CBFB: variants seen among roughly 807,000 people sequenced by gnomAD.
The protein encoded by CBFB is core-binding factor subunit beta.
A neutral mutation model predicts 30.4 loss-of-function variants in CBFB; 9 were observed. The observed-to-expected ratio is 0.30, with a 90% CI of 0.18 to 0.52. The LOEUF (loss-of-function observed/expected upper bound fraction) is 0.52, where lower values mean the gene tolerates loss of function less well. CBFB is among the 20% of genes least tolerant of loss of function. CBFB has a pLI of 0.97. For missense variants in CBFB, 170 were observed against 244.0 expected, an observed-to-expected ratio of 0.70 and a Z score of 2.02; for synonymous variants, 94 against 84.0, an observed-to-expected ratio of 1.12 and a Z score of -0.65.
chr16:67,082,404 G>T, intron 5 of CBFB, 96 bp downstream of exon 5: 1 of 1,409,672 alleles, frequency 7.1e-7, no homozygotes, highest in Non-Finnish European at 9.5e-7. Flanking sequence ...CTTTTTAATA[G>T]TTTAATTTTG....
intron 5 of CBFB, among the ~76,000 whole-genome samples, chr16:67,084,624 T>A (rs1387994475): frequency 2.6e-5 from 4 of 152,198 alleles, no homozygotes; most frequent in Non-Finnish European, 5.9e-5. Flanking sequence ...ATGGCTAAGA[T>A]GGTAAGTTTT....
chr16:67,029,591 C>T, intron 1 of CBFB, 106 bp downstream of exon 1: 3 of 1,335,820 alleles, frequency 2.2e-6, no homozygotes, highest in South Asian at 1.3e-5. Flanking sequence ...GTCGGTGCGC[C>T]CGCGGAGGGG....
intron 2 of CBFB, 121 bp from the exon 3 acceptor site, chr16:67,036,516 TAC>T: frequency 1.7e-6 from 1 of 601,426 alleles, no homozygotes; most frequent in African/African-American, 1.8e-5. Context: ...TGTTTTTTTT[TAC>T]TTTTAAGTAT....
intron 5 of CBFB, among the ~76,000 whole-genome samples, chr16:67,089,509 A>T (rs573895869): frequency 6.6e-6 from 1 of 152,356 alleles, no homozygotes; most frequent in African/African-American, 2.4e-5. Context: ...TGAAAACAGA[A>T]GATTCTAGAC....
At chr16:67,095,552 A>G (rs1043774027) in intron 5 of CBFB, among the ~76,000 whole-genome samples, 3 of 152,138 alleles carry the variant, frequency 2.0e-5, no homozygotes, top group African/African-American at 4.8e-5. Flanking sequence ...GTTATCTAAC[A>G]TAGGAAAACT....
At chr16:67,033,613 CTT>C (rs1186367448) in intron 2 of CBFB, among the ~76,000 whole-genome samples, 30 of 139,556 alleles carry the variant, frequency 2.1e-4, no homozygotes, top group African/African-American at 2.1e-4. Context: ...CTTATCAATT[CTT>C]TTTTTTTTTT....
At chr16:67,096,993 G>C (rs576492443) in intron 5 of CBFB, among the ~76,000 whole-genome samples, 1 of 152,022 alleles carries the variant, frequency 6.6e-6, no homozygotes, top group South Asian at 2.1e-4. Context: ...CAGCACTTTG[G>C]GAGGCCAAGA....
At chr16:67,060,712 C>T (rs143888308) in intron 3 of CBFB, among the ~76,000 whole-genome samples, 96 of 152,240 alleles carry the variant, frequency 6.3e-4, no homozygotes, top group African/African-American at 2.1e-3. Context: ...TGTGCCACCA[C>T]GCCCAGCTAA....
chr16:67,062,479 T>C (rs1033415805), intron 3 of CBFB, among the ~76,000 whole-genome samples: 1 of 150,114 alleles, frequency 6.7e-6, no homozygotes, highest in Non-Finnish European at 1.5e-5. Context: ...CAGGAAAATA[T>C]TTTTGACTAT....
intron 5 of CBFB, among the ~76,000 whole-genome samples, chr16:67,096,868 G>A (rs1319681349): frequency 6.6e-6 from 1 of 151,236 alleles, no homozygotes; most frequent in Non-Finnish European, 1.5e-5. Flanking sequence ...CAGCTACTCG[G>A]GAGGCGGAGC....
chr16:67,089,195 C>CAAATA (rs1233584023), intron 5 of CBFB, among the ~76,000 whole-genome samples: 1 of 152,014 alleles, frequency 6.6e-6, no homozygotes, highest in Non-Finnish European at 1.5e-5. Flanking sequence ...TAACCTTTAC[C>CAAATA]AAATACTCTT....
chr16:67,072,619 A>G lies in CBFB; in HGVS notation c.399+5821A>G, dbSNP rs983028404. Among the ~76,000 whole-genome samples the G allele has an allele frequency of 2.4e-4, 36 of 152,020 alleles. 1 individual carries two copies. Among genetic ancestry groups the G allele is most frequent in the Non-Finnish European group, 7.4e-5 (5 of 67,972 alleles). On this transcript the variant is annotated intron_variant, in intron 4 of 5. Coordinates refer to ENST00000412916, the MANE Select transcript of CBFB (RefSeq NM_022845.3). ...GTAGCTGGGGTTACAGGCATGTGCC[A>G]CCATGCCCGGCTAATTTTGTATTTT...
intron 3 of CBFB, among the ~76,000 whole-genome samples, chr16:67,046,883 G>T (rs772942141): frequency 8.5e-5 from 13 of 152,200 alleles, no homozygotes; most frequent in Non-Finnish European, 1.6e-4. Context: ...TAGTGATATG[G>T]TAGACTTTAA....
In CBFB at chr16:67,089,404, T is replaced by C. The variant is rs1391080540; in HGVS notation, c.495+7096T>C. 2.6e-5 allele frequency among the ~76,000 whole-genome samples: 4 copies of C among 152,200 alleles called. No homozygotes were observed. The East Asian group carries it at 5.8e-4, about 22-fold the overall frequency. On this transcript the variant is annotated intron_variant, in intron 5 of 5. Transcript: ENST00000412916. ...CCTGGGGGACAAAATAAGCAAATTA[T>C]TATTTTTCACTGTGTATCTTCTGTA...
Position 67,066,393 on chromosome 16 carries a change from C to CAAAAAAAAAAAAAAA in CBFB, c.283-286_283-272dup, listed in dbSNP as rs56360240. Among the ~76,000 whole-genome samples the CAAAAAAAAAAAAAAA allele has an allele frequency of 3.3e-4, 32 of 96,034 alleles. 2 individuals carry two copies. The highest frequency in any genetic ancestry group is 1.1e-3 in the South Asian group (3 of 2,708). The allele number at this position is 96,034 out of a possible 152,430, so 63.0% of individuals were successfully genotyped here. ...TGAAACCCCATCTCTACTAAAAATACAAAAAAAAAAAAAAAAATTAGCCAG... is the reference window on the plus strand; with the variant it reads ...TGAAACCCCATCTCTACTAAAAATACAAAAAAAAAAAAAAAAAAAAAAAAAAAAAAAATTAGCCAG... On this transcript the variant is annotated intron_variant, in intron 3 of 5. Coordinates refer to ENST00000412916, the MANE Select transcript of CBFB (RefSeq NM_022845.3).
At chr16:67,060,904 C>T (rs1303314621) in intron 3 of CBFB, among the ~76,000 whole-genome samples, 2 of 152,112 alleles carry the variant, frequency 1.3e-5, no homozygotes, top group African/African-American at 4.8e-5. Flanking sequence ...GCTTCATTCA[C>T]TTAGTATTAT....
chr16:67,042,515 C>T lies in CBFB; in HGVS notation c.282+5760C>T, dbSNP rs558445029. On this transcript the variant is annotated intron_variant, in intron 3 of 5. Transcript: ENST00000412916. ...AGTCAAGATATATTTCAGTCACCCCCCCAAAGGTTTCCTTGTGCCCCTTTG... is the reference window on the plus strand; with the variant it reads ...AGTCAAGATATATTTCAGTCACCCCTCCAAAGGTTTCCTTGTGCCCCTTTG... 2.6e-5 allele frequency among the ~76,000 whole-genome samples: 4 copies of T among 152,264 alleles called. No homozygotes were observed. In the South Asian group the frequency reaches 8.3e-4, roughly 32 times the overall value.
At chr16:67,093,882 CA>C (rs1241007678) in intron 5 of CBFB, among the ~76,000 whole-genome samples, 2 of 152,142 alleles carry the variant, frequency 1.3e-5, no homozygotes, top group Non-Finnish European at 2.9e-5. Context: ...GGAAATCCTT[CA>C]AAAACCTTCA....
intron 5 of CBFB, among the ~76,000 whole-genome samples, chr16:67,091,733 A>AT (rs1223424406): frequency 2.0e-5 from 3 of 151,778 alleles, no homozygotes; most frequent in Admixed American, 6.6e-5. Flanking sequence ...CCTTTTTAAA[A>AT]TTTTTTTTTA....
Sources: allele counts gnomAD v4.1 joint callset (sites outside exome capture counted in the v4.1 genomes callset), GRCh38; gene constraint gnomAD v4.1.1; transcripts MANE v1.5; gene names NCBI Gene and HGNC (gene_info 2026-07-23, HGNC 2026-07-21).